The following LARGE1 variants were observed in gnomAD, a reference collection of about 807,000 sequenced individuals.
LARGE1 encodes the protein LARGE xylosyl- and glucuronyltransferase 1.
In LARGE1, 43 loss-of-function variants were observed where a neutral mutation model predicts 87.6. The observed-to-expected ratio is 0.49, with a 90% CI of 0.38 to 0.63. The LOEUF is 0.63. Ranked by LOEUF, LARGE1 falls within the 30% of genes least tolerant of loss-of-function variation. LARGE1 has a pLI of 0.00. For missense variants in LARGE1, 802 were observed against 1,000.2 expected (o/e 0.80, Z 2.67); for synonymous variants, 434 against 394.6 (o/e 1.10, Z -1.18).
In LARGE1 at chr22:33,786,619, G is replaced by T. The variant is rs143078899; in HGVS notation, c.-82-25061C>A. Among the ~76,000 whole-genome samples, 365 of 152,288 alleles carry T rather than the reference G, an allele frequency of 2.4e-3. 1 individual carries two copies. The Middle Eastern group carries it at 0.031, about 13-fold the overall frequency. On this transcript the variant is annotated intron_variant, in intron 1 of 14. Transcript: ENST00000397394. Reference sequence around the variant, plus strand: ...CTCCCTTCAGAGCCTCCCCTCCTGAGGGGGTCCCCTGGCATTTCCCTCAGG... The same window carrying T: ...CTCCCTTCAGAGCCTCCCCTCCTGATGGGGTCCCCTGGCATTTCCCTCAGG...
chr22:33,419,674 G>T (rs552652050), intron 7 of LARGE1, among the ~76,000 whole-genome samples: 76 of 102,694 alleles, frequency 7.4e-4, no homozygotes, highest in African/African-American at 2.3e-3. Context: ...CTTTGTTTTT[G>T]TTGTTGTTGT....
At chr22:33,593,473 T>C (rs990691110) in intron 5 of LARGE1, among the ~76,000 whole-genome samples, 5 of 152,222 alleles carry the variant, frequency 3.3e-5, no homozygotes, top group African/African-American at 7.2e-5. Flanking sequence ...GACATTTTAT[T>C]TGGACACCTA....
chr22:33,150,443 T>C, the LARGE1 span, among the ~76,000 whole-genome samples: 1 of 152,138 alleles, frequency 6.6e-6, no homozygotes, highest in South Asian at 2.1e-4. Flanking sequence ...TCAGTAACAA[T>C]GTGATTAGAT....
chr22:33,312,087 G>A (rs965704017), intron 11 of LARGE1, among the ~76,000 whole-genome samples: 2 of 152,104 alleles, frequency 1.3e-5, no homozygotes, highest in African/African-American at 2.4e-5. Flanking sequence ...GCACTGGCAC[G>A]CCTTCTCTCA....
At chr22:33,755,338 A>C (rs2084471305) in intron 2 of LARGE1, among the ~76,000 whole-genome samples, 1 of 152,186 alleles carries the variant, frequency 6.6e-6, no homozygotes. Flanking sequence ...ATTTGCTTTT[A>C]AATAACACCC....
At chr22:33,919,101 C>CG (rs1333278408) in intron 1 of LARGE1, among the ~76,000 whole-genome samples, 1 of 76,210 alleles carries the variant, frequency 1.3e-5, no homozygotes, top group African/African-American at 4.6e-5. Context: ...AGCACAGAGA[C>CG]GAAAAAAAAA....
the LARGE1 span, among the ~76,000 whole-genome samples, chr22:33,118,504 G>GAAAAAAAAAAAAA: frequency 2.5e-5 from 2 of 80,448 alleles, no homozygotes; most frequent in Middle Eastern, 7.1e-3. Context: ...AAAGAAAAAA[G>GAAAAAAAAAAAAA]AAAAAAAAAA....
intron 6 of LARGE1, among the ~76,000 whole-genome samples, chr22:33,501,668 G>A (rs764169392): frequency 6.6e-6 from 1 of 152,152 alleles, no homozygotes; most frequent in Non-Finnish European, 1.5e-5. Flanking sequence ...TGAATTGAAC[G>A]CCAGGCCTGG....
intron 14 of LARGE1, among the ~76,000 whole-genome samples, chr22:33,276,099 C>T (rs79223970): frequency 0.027 from 4,050 of 152,134 alleles, 79 homozygotes; most frequent in Non-Finnish European, 0.043. Flanking sequence ...TTCTCATGAA[C>T]GGCCAGCGCT....
At chr22:33,390,426 C>G (rs1316843892) in intron 7 of LARGE1, among the ~76,000 whole-genome samples, 1 of 152,232 alleles carries the variant, frequency 6.6e-6, no homozygotes, top group Non-Finnish European at 1.5e-5. Flanking sequence ...CTGCTTCTTA[C>G]TGCCCTGTTT....
chr22:33,777,327 T>G (rs959838338), intron 1 of LARGE1, among the ~76,000 whole-genome samples: 1 of 152,054 alleles, frequency 6.6e-6, no homozygotes, highest in Non-Finnish European at 1.5e-5. Flanking sequence ...CGAGCAGGAA[T>G]GATGGGATCT....
intron 1 of LARGE1, among the ~76,000 whole-genome samples, chr22:33,859,241 A>C (rs2063843763): frequency 6.6e-6 from 1 of 152,134 alleles, no homozygotes; most frequent in Admixed American, 6.5e-5. Flanking sequence ...ATAAATGCAA[A>C]CCTGTATCAT....
intron 6 of LARGE1, among the ~76,000 whole-genome samples, chr22:33,537,047 G>A (rs1258909865): frequency 1.3e-5 from 2 of 152,226 alleles, no homozygotes; most frequent in African/African-American, 4.8e-5. Context: ...CTGACCTCAG[G>A]TTATCTGCCT....
At chr22:33,152,031 T>C in the LARGE1 span, among the ~76,000 whole-genome samples, 2 of 152,222 alleles carry the variant, frequency 1.3e-5, no homozygotes, top group Non-Finnish European at 2.9e-5. Context: ...AAATGTTTGA[T>C]AAAAGTTGCC....
At chr22:33,113,038 CAT>C in the LARGE1 span, among the ~76,000 whole-genome samples, 1 of 152,110 alleles carries the variant, frequency 6.6e-6, no homozygotes, top group African/African-American at 2.4e-5. Context: ...AGAGAAATGA[CAT>C]GTTAGGGTTC....
rs1042816456 is a variant in LARGE1 at position 33,539,753 on chromosome 22, A to AT, written c.787+25094dup. Among the ~76,000 whole-genome samples, 5 of 95,970 alleles carry AT rather than the reference A, an allele frequency of 5.2e-5. No individual in the cohort carries two copies. In the South Asian group the frequency reaches 1.1e-3, roughly 20 times the overall value. 63.0% of individuals were successfully genotyped at this position (95,970 alleles called of 152,430 possible). A position where few individuals can be genotyped will look rare whatever the true frequency, so the allele number is the denominator to read the frequency against. The stretch of plus-strand genomic sequence containing the variant: ...CCACACCCACCTGGCTAATTTTTGT[A>AT]TTTTTTTGTAGAGAAGAGGTCTTGC... On this transcript the variant is annotated intron_variant, in intron 6 of 14. Transcript: ENST00000397394.
intron 12 of LARGE1, among the ~76,000 whole-genome samples, chr22:33,286,850 G>C (rs1167528955): frequency 1.3e-5 from 2 of 152,174 alleles, no homozygotes; most frequent in African/African-American, 2.4e-5. Flanking sequence ...ATTAATTCCT[G>C]CTAGAAAATA....
At chr22:33,292,071 G>C (rs1932692406) in intron 12 of LARGE1, among the ~76,000 whole-genome samples, 1 of 152,098 alleles carries the variant, frequency 6.6e-6, no homozygotes, top group Non-Finnish European at 1.5e-5. Context: ...TCCAGTCTGG[G>C]TGACAGAGTG....
chr22:33,173,305 G>C (rs1922679236), intron 11 of LARGE1, among the ~76,000 whole-genome samples: 1 of 152,180 alleles, frequency 6.6e-6, no homozygotes, highest in South Asian at 2.1e-4. Flanking sequence ...AGCAAATGCT[G>C]AGAGATTGTC....
Sources: gnomAD v4.1 joint callset for allele counts (sites outside exome capture counted in the v4.1 genomes callset) on GRCh38, gnomAD v4.1.1 for gene constraint, MANE v1.5 for transcripts, NCBI Gene and HGNC (gene_info 2026-07-23, HGNC 2026-07-21) for gene names.